The following HEXA variants were observed in gnomAD, a reference collection of about 807,000 sequenced individuals.
The protein encoded by HEXA is beta-hexosaminidase subunit alpha.
A neutral mutation model predicts 73.3 loss-of-function variants in HEXA; 54 were observed. The observed-to-expected ratio is 0.74, with a 90% CI of 0.59 to 0.92. HEXA has a LOEUF of 0.92. Among genes scored for constraint, HEXA ranks in the 40% least tolerant of loss-of-function variants. The probability of loss-of-function intolerance (pLI) is 0.00; values close to 1 mark genes in which losing one functional copy is unlikely to be tolerated. For synonymous variants in HEXA, 230 were observed against 246.9 expected, an observed-to-expected ratio of 0.93 and a Z score of 0.64; for missense variants, 649 against 653.0, an observed-to-expected ratio of 0.99 and a Z score of 0.07.
rs1297800753 is a variant in HEXA at position 72,350,577 on chromosome 15, C to T, written c.746G>A (p.Arg249Gln). 3 of 1,613,996 alleles carry T rather than the reference C, an allele frequency of 1.9e-6. No homozygotes were observed. Among genetic ancestry groups the T allele is most frequent in the Non-Finnish European group, 1.7e-6 (2 of 1,179,902 alleles). The change falls in exon 7 of 14, where the codon CGG becomes CAG. Residue 249 changes from arginine (R) to glutamine (Q), a missense_variant. Coordinates refer to ENST00000268097, the MANE Select transcript of HEXA (RefSeq NM_000520.6). ...VKEVIEYARL[R>Q]GIRVLAEFDT... ...AAACTCTGCAAGCACACGGATACCC[C>T]GGAGCCGTGCGTATTCAATGACCTC...
chr15:72,358,862 C>G (rs1047554634), intron 1 of HEXA: 2 of 152,238 alleles, frequency 1.3e-5, no homozygotes, highest in Non-Finnish European at 2.9e-5. Flanking sequence ...TTTTCCGCCT[C>G]CAAGTTGCTA....
At chr15:72,364,716 C>T (rs2088893551) in intron 1 of HEXA, among the ~76,000 whole-genome samples, 1 of 151,984 alleles carries the variant, frequency 6.6e-6, no homozygotes, top group Non-Finnish European at 1.5e-5. Context: ...ATCTTTCCAA[C>T]ACTAGAACAT....
intron 1 of HEXA, among the ~76,000 whole-genome samples, chr15:72,367,220 G>A (rs1265832089): frequency 6.6e-6 from 1 of 152,182 alleles, no homozygotes; most frequent in East Asian, 1.9e-4. Context: ...TGGGATTACA[G>A]GTGTGAGCCA....
In HEXA at chr15:72,346,310, T is replaced by C. The variant is rs751934469; in HGVS notation, c.1346A>G (p.Lys449Arg). Residue 449 changes from lysine to arginine, a missense_variant, in exon 12 of 14, where the codon AAG (lysine) becomes AGG (arginine). Coordinates refer to ENST00000268097, the MANE Select transcript of HEXA (RefSeq NM_000520.6). Reference sequence around the variant, plus strand: ...AGCCTCTCCACCAATCACCAGAGCCTTCTGCTCAGGGGTACCTGAGGGAAA... The same window carrying C: ...AGCCTCTCCACCAATCACCAGAGCCCTCTGCTCAGGGGTACCTGAGGGAAA... The part of the protein sequence containing the change: ...PLAFEGTPEQ[K>R]ALVIGGEACM... The C allele has an allele frequency of 6.8e-6, 11 of 1,613,866 alleles. No individual in the cohort carries two copies. The Admixed American group carries it at 1.7e-4, about 24-fold the overall frequency.
intron 6 of HEXA, 158 bp from the exon 7 acceptor site, chr15:72,350,808 A>G: frequency 2.7e-6 from 2 of 735,508 alleles, no homozygotes; most frequent in East Asian, 2.7e-5. Context: ...ATAATTTCCC[A>G]GAAGTTATCA....
chr15:72,369,203 T>C (rs2088955499), intron 1 of HEXA, among the ~76,000 whole-genome samples: 1 of 152,210 alleles, frequency 6.6e-6, no homozygotes, highest in Non-Finnish European at 1.5e-5. Flanking sequence ...CTCAAGTTCC[T>C]GACCCAATAA....
chr15:72,363,621 G>A (rs2088880485), intron 1 of HEXA, among the ~76,000 whole-genome samples: 1 of 152,106 alleles, frequency 6.6e-6, no homozygotes, highest in Non-Finnish European at 1.5e-5. Context: ...ACCTCCTCCT[G>A]TAAGTTCCAA....
In HEXA at chr15:72,345,538, C is replaced by G. The variant is rs1343812879; in HGVS notation, c.1434G>C (p.Gly478=). ...NLVPRLWPRA[G]AVAERLWSNK... The stretch of plus-strand genomic sequence containing the variant: ...TGCTCCACAGCCTTTCGGCAACAGC[C>G]CCTGCTCTGGGCCTGGAGGAAAAGG... Residue 478 remains glycine, a synonymous_variant, in exon 13 of 14, where the codon GGG becomes GGC. Coordinates refer to ENST00000268097, the MANE Select transcript of HEXA (RefSeq NM_000520.6). The G allele has an allele frequency of 6.2e-7, 1 of 1,614,092 alleles. No individual in the cohort carries two copies. Among genetic ancestry groups the G allele is most frequent in the Non-Finnish European group, 8.5e-7 (1 of 1,180,050 alleles).
Position 72,349,098 on chromosome 15 carries a change from C to T in HEXA, c.967G>A (p.Glu323Lys). The change falls in exon 8 of 14, where the codon GAG (glutamate) becomes AAG (lysine). Residue 323 changes from glutamate to lysine, a missense_variant. Physicochemically the swap from Glu to Lys is moderately conservative, Grantham distance 56. Coordinates refer to ENST00000268097, the MANE Select transcript of HEXA (RefSeq NM_000520.6). ...TCATACCAGCAGGTGAAATCAACCT[C>T]ATCTCCTCCAAGATGAAGATAAAAA... is the stretch of plus-strand genomic sequence containing the variant. ...PDFYLHLGGD[E>K]VDFTCWKSNP... The T allele has an allele frequency of 2.5e-6, 4 of 1,613,994 alleles. No individual in the cohort carries two copies. The highest frequency in any genetic ancestry group is 3.4e-6 in the Non-Finnish European group (4 of 1,179,874).
intron 10 of HEXA, among the ~76,000 whole-genome samples, chr15:72,347,278 C>G (rs899658317): frequency 1.7e-4 from 15 of 86,422 alleles, no homozygotes; most frequent in Non-Finnish European, 3.1e-4. Context: ...CCACAGCGGC[C>G]TTTGGTTTTT....
At chr15:72,372,590 T>C (rs2089007938) in intron 1 of HEXA, among the ~76,000 whole-genome samples, 1 of 152,108 alleles carries the variant, frequency 6.6e-6, no homozygotes, top group African/African-American at 2.4e-5. Flanking sequence ...GTTCCTAAAA[T>C]AAGTCTATTT....
intron 4 of HEXA, 51 bp from the exon 5 acceptor site, chr15:72,353,229 G>C (rs776464763): frequency 4.7e-6 from 5 of 1,056,960 alleles, no homozygotes; most frequent in Non-Finnish European, 7.3e-6. Context: ...GCTTACTATG[G>C]GGGCACAGGG....
intron 5 of HEXA, 56 bp downstream of exon 5, chr15:72,353,012 G>A (rs988910765): frequency 4.0e-5 from 42 of 1,057,370 alleles, no homozygotes; most frequent in Non-Finnish European, 5.2e-5. Flanking sequence ...TGGTCTGTCC[G>A]TTGCTCCATC....
rs370576428 is a variant in HEXA, at chr15:72,350,559, G to C, written c.764C>G (p.Ala255Gly). 8.7e-6 allele frequency: 14 copies of C among 1,614,000 alleles called. No homozygotes were observed. The African/African-American group carries it at 1.5e-4, about 17-fold the overall frequency. The change falls in exon 7 of 14, where the codon GCA becomes GGA. Residue 255 changes from alanine (A) to glycine (G), a missense_variant. Transcript: ENST00000268097. Reference protein sequence around the residue: ...YARLRGIRVLAEFDTPGHTLS... With the variant: ...YARLRGIRVLGEFDTPGHTLS... The stretch of plus-strand genomic sequence containing the variant: ...AGTGTGGCCAGGAGTGTCAAACTCT[G>C]CAAGCACACGGATACCCCGGAGCCG...
At chr15:72,351,828 T>G (rs2088701615) in intron 5 of HEXA, 1 of 153,508 alleles carries the variant, frequency 6.5e-6, no homozygotes, top group Non-Finnish European at 1.4e-5. Context: ...TTTTTTTTTT[T>G]TTTTTTTGAG....
At chr15:72,350,774 G>A (rs2088684575) in intron 6 of HEXA, 124 bp from the exon 7 acceptor site, 3 of 1,043,748 alleles carry the variant, frequency 2.9e-6, no homozygotes, top group Non-Finnish European at 4.3e-6. Flanking sequence ...TTGGTGTCAG[G>A]GACTATCTTC....
chr15:72,373,566 C>A (rs1208353814), intron 1 of HEXA, among the ~76,000 whole-genome samples: 1 of 152,182 alleles, frequency 6.6e-6, no homozygotes, highest in Non-Finnish European at 1.5e-5. Flanking sequence ...TGGAAATAAA[C>A]ATCTTATTGA....
At chr15:72,345,423 C>T (rs757609740) in intron 13 of HEXA, 23 bp downstream of exon 13, 106 of 1,613,802 alleles carry the variant, frequency 6.6e-5, no homozygotes, top group Non-Finnish European at 7.9e-5. Context: ...CTCCGCCTTG[C>T]GAAGGCCCCA....
intron 1 of HEXA, chr15:72,357,764 G>A (rs367722705): frequency 5.9e-5 from 9 of 152,188 alleles, no homozygotes; most frequent in Admixed American, 1.3e-4. Context: ...ATCATCTCAC[G>A]GAAGCCTGCT....
Sources: gnomAD v4.1 joint callset for allele counts (sites outside exome capture counted in the v4.1 genomes callset) on GRCh38, gnomAD v4.1.1 for gene constraint, MANE v1.5 for transcripts, NCBI Gene and HGNC (gene_info 2026-07-23, HGNC 2026-07-21) for gene names.